Variants in CDH13 observed in about 807,000 individuals in gnomAD.
The protein encoded by CDH13 is cadherin 13.
In CDH13, 24 loss-of-function variants were observed where a neutral mutation model predicts 63.8. The ratio of observed to expected loss-of-function variants is 0.38; its 90% CI spans 0.27 to 0.53. CDH13 has a LOEUF of 0.53. Among genes scored for constraint, CDH13 ranks in the 20% least tolerant of loss-of-function variants. The pLI, the probability that CDH13 is intolerant of heterozygous loss-of-function variation, is 0.85. For missense variants in CDH13, 1,049 were observed against 903.1 expected, an observed-to-expected ratio of 1.16 and a Z score of -2.07; for synonymous variants, 503 against 355.3, an observed-to-expected ratio of 1.42 and a Z score of -4.67.
At position 83,652,525 on chromosome 16, in the gene CDH13, C is replaced by G. The variant is rs79314798; in HGVS notation, c.1102-18265C>G. Among the ~76,000 whole-genome samples, 137 of 152,192 alleles carry G rather than the reference C, an allele frequency of 9.0e-4. 2 individuals carry two copies. Among genetic ancestry groups the G allele is most frequent in the African/African-American group, 3.2e-3 (131 of 41,520 alleles). Reference sequence around the variant, plus strand: ...CATGGAAATTGGGAAGAAGGAGGGTCCTCGTGGTTTAGCCAAAGGTTTTGA... The same window carrying G: ...CATGGAAATTGGGAAGAAGGAGGGTGCTCGTGGTTTAGCCAAAGGTTTTGA... On this transcript the variant is annotated intron_variant, in intron 8 of 13. Coordinates refer to ENST00000567109, the MANE Select transcript of CDH13 (RefSeq NM_001257.5).
intron 4 of CDH13, among the ~76,000 whole-genome samples, chr16:83,211,419 G>A (rs1451483602): frequency 1.3e-5 from 2 of 152,076 alleles, no homozygotes; most frequent in African/African-American, 4.8e-5. Flanking sequence ...CAACCACATT[G>A]AGTAGAAATA....
At chr16:83,394,826 G>C (rs544213587) in intron 6 of CDH13, among the ~76,000 whole-genome samples, 43 of 152,200 alleles carry the variant, frequency 2.8e-4, no homozygotes, top group South Asian at 2.3e-3. Flanking sequence ...TTTGCTGATG[G>C]ATGGTGTGTG....
chr16:83,713,243 G>A (rs1373028556), intron 10 of CDH13, among the ~76,000 whole-genome samples: 6 of 152,136 alleles, frequency 3.9e-5, no homozygotes, highest in African/African-American at 1.4e-4. Context: ...CTTCATGGAC[G>A]CATTGATAGA....
intron 6 of CDH13, among the ~76,000 whole-genome samples, chr16:83,457,820 A>G (rs1006776815): frequency 5.1e-4 from 78 of 152,162 alleles, no homozygotes; most frequent in African/African-American, 1.8e-3. Context: ...ACATGTTAGG[A>G]AAGACATTTG....
intron 10 of CDH13, among the ~76,000 whole-genome samples, chr16:83,720,375 T>C (rs2150935282): frequency 6.6e-6 from 1 of 152,140 alleles, no homozygotes; most frequent in East Asian, 1.9e-4. Context: ...GTAAGCTTTT[T>C]GGAGTTCATC....
intron 1 of CDH13, among the ~76,000 whole-genome samples, chr16:82,680,230 G>C (rs985315974): frequency 6.6e-6 from 1 of 152,220 alleles, no homozygotes; most frequent in Non-Finnish European, 1.5e-5. Flanking sequence ...GGTCTAATGA[G>C]AGTTACTGCC....
At chr16:83,157,060 ACG>A (rs2037236141) in intron 4 of CDH13, among the ~76,000 whole-genome samples, 4 of 152,164 alleles carry the variant, frequency 2.6e-5, no homozygotes, top group Admixed American at 6.5e-5. Context: ...AACTCCAATG[ACG>A]TCAGGCCACT....
chr16:83,588,550 G>A (rs141251794), intron 7 of CDH13, among the ~76,000 whole-genome samples: 4 of 152,188 alleles, frequency 2.6e-5, no homozygotes, highest in Non-Finnish European at 5.9e-5. Flanking sequence ...AGGCACTGGG[G>A]CTATGGCAGG....
chr16:82,753,475 T>C (rs2034497332), intron 1 of CDH13, among the ~76,000 whole-genome samples: 1 of 152,154 alleles, frequency 6.6e-6, no homozygotes, highest in African/African-American at 2.4e-5. Context: ...ATGGGCACAT[T>C]TCCCCTGCTA....
At chr16:83,400,410 C>T (rs1193009596) in intron 6 of CDH13, among the ~76,000 whole-genome samples, 3 of 152,140 alleles carry the variant, frequency 2.0e-5, no homozygotes, top group Non-Finnish European at 4.4e-5. Context: ...TACCGGATGG[C>T]CCAACTCCAG....
intron 7 of CDH13, among the ~76,000 whole-genome samples, chr16:83,532,703 C>A (rs2075107085): frequency 6.6e-6 from 1 of 152,246 alleles, no homozygotes; most frequent in South Asian, 2.1e-4. Flanking sequence ...CTTGTAAGTT[C>A]TTTGCAAGCA....
At chr16:83,495,012 A>C (rs2074102498) in intron 7 of CDH13, among the ~76,000 whole-genome samples, 1 of 152,214 alleles carries the variant, frequency 6.6e-6, no homozygotes, top group African/African-American at 2.4e-5. Context: ...CCAAATAGTA[A>C]ATCGTATAGA....
At chr16:83,043,561 T>C (rs1917517982) in intron 3 of CDH13, among the ~76,000 whole-genome samples, 1 of 151,196 alleles carries the variant, frequency 6.6e-6, no homozygotes, top group African/African-American at 2.4e-5. Context: ...ATATTATCAT[T>C]TCAACAAGTA....
At chr16:83,668,925 C>T (rs1914249800) in intron 8 of CDH13, among the ~76,000 whole-genome samples, 1 of 152,226 alleles carries the variant, frequency 6.6e-6, no homozygotes, top group Non-Finnish European at 1.5e-5. Flanking sequence ...CCACACCAGG[C>T]TCAGGCAGCT....
intron 6 of CDH13, among the ~76,000 whole-genome samples, chr16:83,382,707 C>T (rs1451902713): frequency 6.6e-6 from 1 of 152,174 alleles, no homozygotes; most frequent in Non-Finnish European, 1.5e-5. Context: ...ATACCTTCTG[C>T]AACAGTGAGA....
intron 2 of CDH13, among the ~76,000 whole-genome samples, chr16:82,905,459 G>GTGTGTGTGTA (rs1555539182): frequency 7.3e-5 from 11 of 151,524 alleles, no homozygotes; most frequent in African/African-American, 2.7e-4. Flanking sequence ...GTGTGTGTGT[G>GTGTGTGTGTA]TGTGTGTGTA....
chr16:82,833,162 G>T (rs10492861), intron 1 of CDH13, among the ~76,000 whole-genome samples: 45,169 of 152,086 alleles, frequency 0.3, 6,922 homozygotes, highest in African/African-American at 0.34. Context: ...CCTTGTGTAA[G>T]TCATCTAAAA....
intron 1 of CDH13, among the ~76,000 whole-genome samples, chr16:82,698,098 T>A (rs139083926): frequency 1.3e-5 from 2 of 152,322 alleles, no homozygotes; most frequent in East Asian, 3.9e-4. Flanking sequence ...GGAATTTAAC[T>A]TGGACAGGCA....
chr16:82,829,515 G>C (rs1049516393), intron 1 of CDH13: 2 of 152,110 alleles, frequency 1.3e-5, no homozygotes, highest in African/African-American at 2.4e-5. Context: ...CAGGGGGTAG[G>C]GTGGAAAAGT....
Sources: allele counts gnomAD v4.1 joint callset (sites outside exome capture counted in the v4.1 genomes callset), GRCh38; gene constraint gnomAD v4.1.1; transcripts MANE v1.5; gene names NCBI Gene and HGNC (gene_info 2026-07-23, HGNC 2026-07-21).